SCAPER: variants seen among roughly 807,000 people sequenced by gnomAD.
SCAPER encodes the protein S phase cyclin A-associated protein in the endoplasmic reticulum.
A neutral mutation model predicts 182.2 loss-of-function variants in SCAPER; 98 were observed. That is an observed-to-expected ratio of 0.54 (90% CI 0.46 to 0.64). SCAPER has a LOEUF of 0.64. Ranked by LOEUF, SCAPER falls within the 30% of genes least tolerant of loss-of-function variation. SCAPER has a pLI of 0.00. For synonymous variants in SCAPER, 605 were observed against 564.6 expected (o/e 1.07, Z -1.01); for missense variants, 1,432 against 1,690.0 (o/e 0.85, Z 2.68).
intron 25 of SCAPER, among the ~76,000 whole-genome samples, chr15:76,435,526 C>T (rs1176848883): frequency 6.6e-6 from 1 of 152,156 alleles, no homozygotes; most frequent in Non-Finnish European, 1.5e-5. Context: ...CTTTCTCTAA[C>T]CTAGACTGGT....
chr15:76,621,807 T>G lies in SCAPER; in HGVS notation c.2668A>C (p.Met890Leu), dbSNP rs2052090644. Reference sequence around the variant, plus strand: ...TCAGAGCCAGAATTTTTGGTTTCCATTAAACTCTCATATTCCTTAGCCCTG... The same window carrying G: ...TCAGAGCCAGAATTTTTGGTTTCCAGTAAACTCTCATATTCCTTAGCCCTG... ...NFRAKEYESL[M>L]ETKNSGSDSP... Residue 890 changes from methionine (M) to leucine (L), a missense_variant, in exon 22 of 32, where the codon ATG becomes CTG. By Grantham distance (15) the Met-to-Leu change is conservative. Coordinates refer to ENST00000563290, the MANE Select transcript of SCAPER (RefSeq NM_020843.4). The G allele has an allele frequency of 6.2e-7, 1 of 1,607,212 alleles. No homozygotes were observed.
chr15:76,592,699 C>T (rs2049214378), intron 22 of SCAPER, among the ~76,000 whole-genome samples: 1 of 122,792 alleles, frequency 8.1e-6, no homozygotes, highest in Non-Finnish European at 2.0e-5. Context: ...GGTGTTGCCT[C>T]ACCTGGGACG....
chr15:76,497,446 C>T (rs932282905), intron 24 of SCAPER, among the ~76,000 whole-genome samples: 3 of 151,478 alleles, frequency 2.0e-5, no homozygotes, highest in East Asian at 1.9e-4. Flanking sequence ...ACATAGCTGA[C>T]GAGGCATGGA....
intron 4 of SCAPER, among the ~76,000 whole-genome samples, chr15:76,844,206 C>T (rs2069786070): frequency 6.9e-6 from 1 of 144,886 alleles, no homozygotes; most frequent in South Asian, 2.2e-4. Flanking sequence ...AAGTTTCACA[C>T]AATTGGATTC....
At position 76,891,032 on chromosome 15, in the gene SCAPER, C is replaced by T. The variant is rs143158378; in HGVS notation, c.-59-7156G>A. On this transcript the variant is annotated intron_variant, in intron 1 of 31. Coordinates refer to ENST00000563290, the MANE Select transcript of SCAPER (RefSeq NM_020843.4). ...GGTTCAACATATGCAAATCAATAAA[C>T]GTAATCCATCAAATAAACAGAACCA... 5.9e-3 allele frequency among the ~76,000 whole-genome samples: 892 copies of T among 152,202 alleles called. 5 individuals are homozygous for T. The highest frequency in any genetic ancestry group is 0.023 in the South Asian group (110 of 4,822).
intron 27 of SCAPER, among the ~76,000 whole-genome samples, chr15:76,401,762 A>G (rs2044474562): frequency 6.6e-6 from 1 of 152,212 alleles, no homozygotes; most frequent in East Asian, 1.9e-4. Flanking sequence ...CAGACCCTGA[A>G]AAAATAATAT....
At chr15:76,822,091 A>C (rs571861046) in intron 5 of SCAPER, among the ~76,000 whole-genome samples, 126 of 152,348 alleles carry the variant, frequency 8.3e-4, no homozygotes, top group African/African-American at 2.9e-3. Context: ...AATACATGTC[A>C]TCATACATTG....
chr15:76,589,754 T>C (rs1163560877), intron 22 of SCAPER, among the ~76,000 whole-genome samples: 1 of 152,156 alleles, frequency 6.6e-6, no homozygotes, highest in African/African-American at 2.4e-5. Context: ...GGTTTCCTTC[T>C]CCCTGTGGTC....
intron 9 of SCAPER, among the ~76,000 whole-genome samples, chr15:76,773,674 GT>G (rs1013100833): frequency 1.3e-5 from 2 of 151,854 alleles, no homozygotes; most frequent in African/African-American, 4.8e-5. Flanking sequence ...ACATTAAAGA[GT>G]TTATAGATCG....
At chr15:76,683,482 T>C (rs572295207) in intron 20 of SCAPER, among the ~76,000 whole-genome samples, 2 of 151,946 alleles carry the variant, frequency 1.3e-5, no homozygotes, top group South Asian at 4.2e-4. Flanking sequence ...GGAAAATATA[T>C]CTGAGGGTTA....
intron 20 of SCAPER, among the ~76,000 whole-genome samples, chr15:76,698,143 C>T (rs968140896): frequency 6.6e-6 from 1 of 151,678 alleles, no homozygotes; most frequent in Admixed American, 6.6e-5. Context: ...ACTACTCATA[C>T]GATTTGAGTA....
chr15:76,867,734 ACCTAAATTAC>A (rs1245565417), intron 2 of SCAPER, among the ~76,000 whole-genome samples: 3 of 152,174 alleles, frequency 2.0e-5, no homozygotes, highest in African/African-American at 7.2e-5. Context: ...ATCATCTCAA[ACCTAAATTAC>A]TAATACTGTA....
intron 25 of SCAPER, among the ~76,000 whole-genome samples, chr15:76,442,074 G>GATATAT (rs1203495273): frequency 1.3e-5 from 2 of 151,932 alleles, no homozygotes; most frequent in Non-Finnish European, 2.9e-5. Flanking sequence ...TATAGATATA[G>GATATAT]ATATATATAG....
At chr15:76,410,014 A>G (rs1167552931) in intron 26 of SCAPER, among the ~76,000 whole-genome samples, 1 of 147,226 alleles carries the variant, frequency 6.8e-6, no homozygotes, top group African/African-American at 2.5e-5. Context: ...TCTGGTTGTG[A>G]ACTCCTGGAC....
chr15:76,717,416 C>G (rs975405037), intron 17 of SCAPER, among the ~76,000 whole-genome samples: 2 of 152,094 alleles, frequency 1.3e-5, no homozygotes, highest in African/African-American at 2.4e-5. Context: ...ATGTAAACCA[C>G]ACGTATCTCT....
rs752266319 is a variant in SCAPER, at chr15:76,662,004, A to G, written c.2645+3649T>C. On this transcript the variant is annotated intron_variant, in intron 21 of 31. Coordinates refer to ENST00000563290, the MANE Select transcript of SCAPER (RefSeq NM_020843.4). ...CACCATGGAATACTATACAGTCATA[A>G]AAAGGAATGAGATCAGGTCCTTTGC... Among the ~76,000 whole-genome samples, 105 of 152,352 alleles carry G rather than the reference A, an allele frequency of 6.9e-4. 1 individual carries two copies. Among genetic ancestry groups the G allele is most frequent in the Non-Finnish European group, 1.1e-3 (73 of 68,028 alleles).
At position 76,348,550 on chromosome 15, in the gene SCAPER, G is replaced by T; in HGVS notation, c.*83C>A. 1 of 937,514 alleles carries T rather than the reference G, an allele frequency of 1.1e-6. No individual in the cohort carries two copies. Among genetic ancestry groups the T allele is most frequent in the Non-Finnish European group, 1.6e-6 (1 of 624,820 alleles). The allele number at this position is 937,514 out of a possible 1,614,324, so 58.1% of individuals were successfully genotyped here. On this transcript the variant is annotated 3_prime_UTR_variant, in exon 32 of 32. Transcript: ENST00000563290. ...GAAGAGTATAAACATGGGAAAATGA[G>T]TTCTTAAGGAACAATTAGAATGTTT... is the stretch of plus-strand genomic sequence containing the variant.
At chr15:76,532,032 T>C (rs929315143) in intron 23 of SCAPER, among the ~76,000 whole-genome samples, 3 of 152,242 alleles carry the variant, frequency 2.0e-5, no homozygotes. Context: ...TTAAAAAATA[T>C]TTTAAAATAG....
At chr15:76,720,622 T>A (rs997102799) in intron 17 of SCAPER, among the ~76,000 whole-genome samples, 1 of 152,218 alleles carries the variant, frequency 6.6e-6, no homozygotes, top group African/African-American at 2.4e-5. Context: ...ATCGCCATTC[T>A]AACTGGTGTG....
Sources: gnomAD v4.1 joint callset for allele counts (sites outside exome capture counted in the v4.1 genomes callset) on GRCh38, gnomAD v4.1.1 for gene constraint, MANE v1.5 for transcripts, NCBI Gene and HGNC (gene_info 2026-07-23, HGNC 2026-07-21) for gene names.